Variants in SLC30A3 observed in about 807,000 individuals in gnomAD.
SLC30A3 encodes the protein solute carrier family 30 member 3, also known as probable proton-coupled zinc antiporter SLC30A3.
In SLC30A3, 20 loss-of-function variants were observed where a neutral mutation model predicts 35.6. The ratio of observed to expected loss-of-function variants is 0.56; its 90% CI spans 0.39 to 0.82. SLC30A3 has a LOEUF of 0.82. Ranked by LOEUF, SLC30A3 falls within the 40% of genes least tolerant of loss-of-function variation. The pLI is 0.00. For synonymous variants in SLC30A3, 217 were observed against 224.7 expected, an observed-to-expected ratio of 0.97 and a Z score of 0.31; for missense variants, 401 against 530.6, an observed-to-expected ratio of 0.76 and a Z score of 2.40.
chr2:27,256,581 CCA>C lies in SLC30A3; in HGVS notation c.884-63_884-62del. On this transcript the variant is annotated intron_variant, in intron 6 of 7. Coordinates refer to ENST00000233535, the MANE Select transcript of SLC30A3 (RefSeq NM_003459.5). ...CTACTCCTGCCCAGAAGCAGCACCCCCACCACTGGATTCCACCTCCCCTATCC... is the reference window on the plus strand; with the variant it reads ...CTACTCCTGCCCAGAAGCAGCACCCCCCACTGGATTCCACCTCCCCTATCC... 3 of 1,605,718 alleles carry C rather than the reference CCA, an allele frequency of 1.9e-6. No homozygotes were observed. In the South Asian group the frequency reaches 3.3e-5, roughly 18 times the overall value.
At chr2:27,256,226 A>G (rs1572466994) in intron 7 of SLC30A3, 160 bp downstream of exon 7, 2 of 759,850 alleles carry the variant, frequency 2.6e-6, no homozygotes, top group Non-Finnish European at 2.1e-6. Context: ...GCGCACGTGC[A>G]TGTGTGTGTG....
chr2:27,266,844 C>A (rs1677517802), upstream of SLC30A3, among the ~76,000 whole-genome samples: 1 of 152,146 alleles, frequency 6.6e-6, no homozygotes, highest in African/African-American at 2.4e-5. Context: ...TTGCAGTGAG[C>A]TGAGATTATG....
At chr2:27,260,718 G>A (rs1677137325) in intron 1 of SLC30A3, among the ~76,000 whole-genome samples, 1 of 152,222 alleles carries the variant, frequency 6.6e-6, no homozygotes, top group Admixed American at 6.5e-5. Flanking sequence ...GGTGAACTGA[G>A]TTTTGAGGGA....
At position 27,258,144 on chromosome 2, in the gene SLC30A3, C is replaced by T. The variant is rs781587652; in HGVS notation, c.424+17G>A. The T allele has an allele frequency of 6.3e-6, 10 of 1,599,514 alleles. No homozygotes were observed. The highest frequency in any genetic ancestry group is 7.7e-6 in the Non-Finnish European group (9 of 1,170,000). On this transcript the variant is annotated intron_variant, in intron 3 of 7. Transcript: ENST00000233535. This position sits in a 1 kb window ranked among gnomAD's most constrained non-coding sequence, Gnocchi z 4.0. ...CTGGCAAGATTGGAGAGTCACTGGG[C>T]CATGCAGGGGCCTTACCTGAACGGT... is the stretch of plus-strand genomic sequence containing the variant.
rs1367216628 is a variant in SLC30A3 at position 27,262,483 on chromosome 2, AGGGCTCCGGCCCGACCGAGCGGC to A, written c.95+306_95+328del. ...AATGCGGACCTTGGCGCACCGGGCG[AGGGCTCCGGCCCGACCGAGCGGC>A]AGCTGCTCCCAGGGAAGGCAGGCGC... On this transcript the variant is annotated intron_variant, in intron 1 of 7. Transcript: ENST00000233535. The surrounding 1 kb of genome is among the most constrained non-coding windows in gnomAD (Gnocchi z 7.5). 2.0e-5 allele frequency among the ~76,000 whole-genome samples: 3 copies of A among 151,662 alleles called. No homozygotes were observed. The highest frequency in any genetic ancestry group is 7.3e-5 in the African/African-American group (3 of 41,270).
rs1419426276 is a variant in SLC30A3, at chr2:27,257,266, T to C, written c.665A>G (p.Glu222Gly). Residue 222 changes from glutamate to glycine, a missense_variant, in exon 5 of 8, where the codon GAA becomes GGA. By Grantham distance (98) the Glu-to-Gly change is moderately conservative. This residue lies in a region of SLC30A3 where 296 missense variants were observed against 392.6 expected (regional missense o/e 0.75). Coordinates refer to ENST00000233535, the MANE Select transcript of SLC30A3 (RefSeq NM_003459.5). The surrounding 1 kb of genome is among the most constrained non-coding windows in gnomAD (Gnocchi z 4.7). ...AEYAPLEEGP[E>G]EPLPLGNTSV... ...GGTGTTCCCCAGGGGCAGGGGCTCT[T>C]CAGGCCCCTCCTCCAGCGGTGCATA... is the stretch of plus-strand genomic sequence containing the variant. 3 of 1,613,990 alleles carry C rather than the reference T, an allele frequency of 1.9e-6. No individual in the cohort carries two copies. The highest frequency in any genetic ancestry group is 2.5e-6 in the Non-Finnish European group (3 of 1,179,912).
Position 27,262,395 on chromosome 2 carries a change from C to T in SLC30A3, c.95+417G>A, listed in dbSNP as rs1677245452. The stretch of plus-strand genomic sequence containing the variant: ...GAGGGGGCGCGCGGAGGGGAGCCCC[C>T]GGGGCCTACAGAGGGAGCTCTGAAG... On this transcript the variant is annotated intron_variant, in intron 1 of 7. Transcript: ENST00000233535. The surrounding 1 kb of genome is among the most constrained non-coding windows in gnomAD (Gnocchi z 7.5). Among the ~76,000 whole-genome samples the T allele has an allele frequency of 1.3e-5, 2 of 151,908 alleles. No individual in the cohort carries two copies. Among genetic ancestry groups the T allele is most frequent in the African/African-American group, 2.4e-5 (1 of 41,418 alleles).
upstream of SLC30A3, chr2:27,275,599 G>T: frequency 3.8e-6 from 1 of 261,480 alleles, no homozygotes; most frequent in Non-Finnish European, 7.6e-6. Context: ...GGCCAGAGGT[G>T]CCCTGCACAC....
In SLC30A3 at chr2:27,256,886, T is replaced by C. The variant is rs775613261; in HGVS notation, c.785A>G (p.Tyr262Cys). ...GGTGCTGATGGGGTCGGCTGCCTTG[T>C]ATTGAGGCTGCAGAGAAAGAGACCC... is the stretch of plus-strand genomic sequence containing the variant. Reference protein sequence around the residue: ...ASILIYFKPQYKAADPISTFL... With the variant: ...ASILIYFKPQCKAADPISTFL... Residue 262 changes from tyrosine (Y) to cysteine (C), a missense_variant, in exon 6 of 8, where the codon TAC becomes TGC. By Grantham distance (194) the Tyr-to-Cys change is radical (BLOSUM62 -2). This residue lies in a region of SLC30A3 where 296 missense variants were observed against 392.6 expected (regional missense o/e 0.75). Transcript: ENST00000233535. The C allele has an allele frequency of 3.1e-6, 5 of 1,604,740 alleles. No homozygotes were observed. The highest frequency in any genetic ancestry group is 4.2e-6 in the Non-Finnish European group (5 of 1,176,628).
chr2:27,258,474 C>A lies in SLC30A3; in HGVS notation c.278-167G>T. ...CTACTGTTATGTTATTTTTTTCATT[C>A]ATCTGTATTTTATTTTCTACAATGA... On this transcript the variant is annotated intron_variant, in intron 2 of 7. Transcript: ENST00000233535. This position sits in a 1 kb window ranked among gnomAD's most constrained non-coding sequence, Gnocchi z 4.0. 1 of 677,076 alleles carries A rather than the reference C, an allele frequency of 1.5e-6. No individual in the cohort carries two copies. Among genetic ancestry groups the A allele is most frequent in the Non-Finnish European group, 2.4e-6 (1 of 418,126 alleles). 41.9% of individuals were successfully genotyped at this position (677,076 alleles called of 1,614,324 possible).
chr2:27,268,614 G>A (rs575754824), intron 1 of SLC30A3, among the ~76,000 whole-genome samples: 5 of 152,080 alleles, frequency 3.3e-5, no homozygotes, highest in Admixed American at 1.3e-4. Flanking sequence ...TTAGCCAAGC[G>A]TGGTGGCGGG....
upstream of SLC30A3, among the ~76,000 whole-genome samples, chr2:27,266,876 G>A (rs1271060584): frequency 6.6e-6 from 1 of 152,150 alleles, no homozygotes; most frequent in Non-Finnish European, 1.5e-5. Context: ...CAGCCTGGAT[G>A]ACAGGTGAGA....
chr2:27,263,060 G>A (rs1677307920), upstream of SLC30A3: 2 of 1,362,300 alleles, frequency 1.5e-6, no homozygotes, highest in Non-Finnish European at 1.9e-6. Context: ...GGCGCGCGGA[G>A]TCCGAACTGC....
chr2:27,270,836 T>C (rs1677700880), intron 1 of SLC30A3, among the ~76,000 whole-genome samples: 1 of 151,760 alleles, frequency 6.6e-6, no homozygotes, highest in Non-Finnish European at 1.5e-5. Flanking sequence ...TGGGTGGTGG[T>C]GGTTTTGGTC....
chr2:27,257,918 A>G lies in SLC30A3; in HGVS notation c.565T>C (p.Cys189Arg). 6.2e-7 allele frequency: 1 copy of G among 1,614,028 alleles called. No individual in the cohort carries two copies. The highest frequency in any genetic ancestry group is 1.1e-5 in the South Asian group (1 of 91,052). ...ACTGGGACGTACAACAGGTTGGCACAGACTGCGATGCTGGCGGTCAGCAGC... is the reference window on the plus strand; with the variant it reads ...ACTGGGACGTACAACAGGTTGGCACGGACTGCGATGCTGGCGGTCAGCAGC... ...AMLLTASIAV[C>R]ANLLMAFVLH... Residue 189 changes from cysteine (C) to arginine (R), a missense_variant, in exon 4 of 8, where the codon TGT (cysteine) becomes CGT (arginine). Physicochemically the swap from Cys to Arg is radical, Grantham distance 180. Coordinates refer to ENST00000233535, the MANE Select transcript of SLC30A3 (RefSeq NM_003459.5). This position sits in a 1 kb window ranked among gnomAD's most constrained non-coding sequence, Gnocchi z 4.7.
chr2:27,274,528 T>C (rs1572498736), intron 1 of SLC30A3, among the ~76,000 whole-genome samples: 1 of 152,116 alleles, frequency 6.6e-6, no homozygotes, highest in Admixed American at 6.5e-5. Context: ...TAGTAAATTA[T>C]AAGTGATGCA....
chr2:27,255,237 G>A lies in SLC30A3; in HGVS notation c.*75C>T, dbSNP rs776761983. ...ATGGACCTGGCTCGGTCCCGTCTCT[G>A]TGATCAGGGCAGCAGATGCTGAGAG... On this transcript the variant is annotated 3_prime_UTR_variant, in exon 8 of 8. Coordinates refer to ENST00000233535, the MANE Select transcript of SLC30A3 (RefSeq NM_003459.5). This position sits in a 1 kb window ranked among gnomAD's most constrained non-coding sequence, Gnocchi z 5.2. 165 of 1,608,722 alleles carry A rather than the reference G, an allele frequency of 1.0e-4. No individual in the cohort carries two copies. The highest frequency in any genetic ancestry group is 1.3e-4 in the Non-Finnish European group (151 of 1,177,538).
intron 1 of SLC30A3, among the ~76,000 whole-genome samples, chr2:27,260,161 T>C (rs1572476471): frequency 6.6e-6 from 1 of 151,998 alleles, no homozygotes; most frequent in Non-Finnish European, 1.5e-5. Flanking sequence ...GCCCCCGCCC[T>C]CCCTAGACAT....
At chr2:27,259,014 G>T (rs1677033926) in intron 1 of SLC30A3, 80 bp from the exon 2 acceptor site, 36 of 1,162,750 alleles carry the variant, frequency 3.1e-5, no homozygotes, top group Non-Finnish European at 4.2e-5. Flanking sequence ...CCCCAGTGCT[G>T]GCCTCATCAG....
Sources: allele counts gnomAD v4.1 joint callset (sites outside exome capture counted in the v4.1 genomes callset), GRCh38; gene constraint gnomAD v4.1.1; regional missense constraint gnomAD v4.1.1; non-coding constraint Gnocchi (gnomAD v3.1); transcripts MANE v1.5; gene names NCBI Gene and HGNC (gene_info 2026-07-23, HGNC 2026-07-21).